The following PREPL variants were observed in gnomAD, a reference collection of about 807,000 sequenced individuals.
PREPL encodes the protein prolyl endopeptidase like, also known as prolyl endopeptidase-like.
A neutral mutation model predicts 70.6 loss-of-function variants in PREPL; 77 were observed. That is an observed-to-expected ratio of 1.09 (90% CI 0.91 to 1.32). The LOEUF is 1.32. PREPL is among the 40% of genes most tolerant of loss of function. The probability of loss-of-function intolerance (pLI) is 0.00; values close to 1 mark genes in which losing one functional copy is unlikely to be tolerated. For missense variants in PREPL, 1,002 were observed against 778.2 expected (o/e 1.29, Z -3.42); for synonymous variants, 315 against 264.8 (o/e 1.19, Z -1.84).
In PREPL at chr2:44,341,628, T is replaced by C. The variant is rs551638690; in HGVS notation, c.485+789A>G. The stretch of plus-strand genomic sequence containing the variant: ...AATGTGTCTAAGAGAATATACGAAA[T>C]ATAAAGAACTAGACATTAATCTTTT... On this transcript the variant is annotated intron_variant, in intron 5 of 13. Transcript: ENST00000409411. Among the ~76,000 whole-genome samples the C allele has an allele frequency of 7.2e-5, 11 of 152,054 alleles. No individual in the cohort carries two copies. The South Asian group carries it at 2.3e-3, about 31-fold the overall frequency.
chr2:44,359,811 T>G, intron 1 of PREPL: 3 of 836,934 alleles, frequency 3.6e-6, no homozygotes, highest in Non-Finnish European at 5.8e-6. Context: ...TCAGAGTAAC[T>G]AAGATCAGCA....
chr2:44,355,106 G>C (rs1254819387), intron 1 of PREPL, among the ~76,000 whole-genome samples: 1 of 152,164 alleles, frequency 6.6e-6, no homozygotes, highest in East Asian at 1.9e-4. Context: ...CTTTGTGTCA[G>C]TTTAGGTCAG....
At position 44,346,470 on chromosome 2, in the gene PREPL, T is replaced by C. The variant is rs1250869634; in HGVS notation, c.-48-80A>G. 24 of 1,272,642 alleles carry C rather than the reference T, an allele frequency of 1.9e-5. No individual in the cohort carries two copies. The Middle Eastern group carries it at 2.2e-3, about 119-fold the overall frequency. 78.8% of individuals were successfully genotyped at this position (1,272,642 alleles called of 1,614,324 possible). A position where few individuals can be genotyped will look rare whatever the true frequency, so the allele number is the denominator to read the frequency against. On this transcript the variant is annotated intron_variant, in intron 1 of 13. Transcript: ENST00000409411. ...TGCTTTTTAAAGATAAGTAGGTCTATACCGTAGACTTAACGTTGTACAAAA... is the reference window on the plus strand; with the variant it reads ...TGCTTTTTAAAGATAAGTAGGTCTACACCGTAGACTTAACGTTGTACAAAA...
chr2:44,323,497 T>A, intron 10 of PREPL, 86 bp from the exon 11 acceptor site: 1 of 1,075,002 alleles, frequency 9.3e-7, no homozygotes, highest in Non-Finnish European at 1.3e-6. Context: ...TGAATATACA[T>A]ACTAATATGA....
At chr2:44,346,816 G>A (rs1675879157) in intron 1 of PREPL, among the ~76,000 whole-genome samples, 1 of 152,022 alleles carries the variant, frequency 6.6e-6, no homozygotes, top group South Asian at 2.1e-4. Flanking sequence ...CTTCCTAAAA[G>A]AAGGGAAATA....
chr2:44,331,083 C>CAA (rs1407538655), intron 8 of PREPL, among the ~76,000 whole-genome samples: 1 of 152,160 alleles, frequency 6.6e-6, no homozygotes, highest in Non-Finnish European at 1.5e-5. Flanking sequence ...GCAGGGACTA[C>CAA]AAGCATATGC....
Position 44,344,554 on chromosome 2 carries a change from T to A in PREPL, c.108A>T (p.Glu36Asp). The A allele has an allele frequency of 6.2e-7, 1 of 1,604,534 alleles. No individual in the cohort carries two copies. The highest frequency in any genetic ancestry group is 8.5e-7 in the Non-Finnish European group (1 of 1,175,878). Residue 36 changes from glutamate (E) to aspartate (D), a missense_variant, in exon 3 of 14, where the codon GAA becomes GAT. By Grantham distance (45) the Glu-to-Asp change is conservative. Transcript: ENST00000409411. ...CTTTGGAACGAACCAAGCAACAACCTTCTTGGTAATAAACAAAACCACCAT... is the reference window on the plus strand; with the variant it reads ...CTTTGGAACGAACCAAGCAACAACCATCTTGGTAATAAACAAAACCACCAT... ...VKHGGFVYYQ[E>D]GCCLVRSKDE...
rs563571799 is a variant in PREPL, at chr2:44,361,462, G to A, written c.-131C>T. On this transcript the variant is annotated 5_prime_UTR_variant, in exon 1 of 14. Coordinates refer to ENST00000409411, the MANE Select transcript of PREPL (RefSeq NM_001171613.2). ...ACCTGAAGCTCTCAGAGGGGAGCAG[G>A]TGTCACCGCAGGCAAGTCCAGCCGA... 2.6e-5 allele frequency: 4 copies of A among 152,908 alleles called. No individual in the cohort carries two copies. Among genetic ancestry groups the A allele is most frequent in the African/African-American group, 7.2e-5 (3 of 41,598 alleles). 9.5% of individuals were successfully genotyped at this position (152,908 alleles called of 1,614,324 possible).
chr2:44,337,766 C>G (rs749933827), intron 7 of PREPL, among the ~76,000 whole-genome samples: 2 of 152,200 alleles, frequency 1.3e-5, no homozygotes, highest in African/African-American at 4.8e-5. Flanking sequence ...TAGCCACAAG[C>G]AGTATCAACT....
intron 10 of PREPL, among the ~76,000 whole-genome samples, chr2:44,326,094 C>A (rs1297032060): frequency 2.0e-5 from 3 of 152,184 alleles, no homozygotes; most frequent in Non-Finnish European, 4.4e-5. Context: ...AGAGTCACAG[C>A]GTGCTTTGCC....
At chr2:44,334,280 T>C (rs976062723) in intron 7 of PREPL, among the ~76,000 whole-genome samples, 1 of 152,096 alleles carries the variant, frequency 6.6e-6, no homozygotes, top group Middle Eastern at 3.2e-3. Context: ...ACAGGTTCAG[T>C]TTTAGCACTC....
chr2:44,335,946 G>GA (rs1465201487), intron 7 of PREPL, among the ~76,000 whole-genome samples: 1 of 151,866 alleles, frequency 6.6e-6, no homozygotes, highest in Non-Finnish European at 1.5e-5. Flanking sequence ...ACAAGCATAT[G>GA]AAAAAAATGC....
chr2:44,321,649 A>G (rs561499225), intron 13 of PREPL, 178 bp downstream of exon 13: 3 of 1,516,696 alleles, frequency 2.0e-6, no homozygotes, highest in East Asian at 2.4e-5. Flanking sequence ...TATCAAGTAC[A>G]AGAGAGAGAC....
Position 44,357,829 on chromosome 2 carries a change from T to C in PREPL, c.-49+3551A>G, listed in dbSNP as rs193185679. 1.4e-3 allele frequency among the ~76,000 whole-genome samples: 206 copies of C among 152,332 alleles called. 1 individual carries two copies. The highest frequency in any genetic ancestry group is 4.8e-3 in the African/African-American group (198 of 41,576). ...AGTTCAATAGGTGAAATTAAAAATT[T>C]TATCTTTCTGAAGTAGGAAAGATGT... On this transcript the variant is annotated intron_variant, in intron 1 of 13. Transcript: ENST00000409411.
At chr2:44,344,204 T>C (rs1675531916) in intron 3 of PREPL, among the ~76,000 whole-genome samples, 2 of 152,220 alleles carry the variant, frequency 1.3e-5, no homozygotes, top group South Asian at 2.1e-4. Flanking sequence ...TAGTTTAGTA[T>C]TTACAGACCA....
chr2:44,331,086 G>A (rs753553989), intron 8 of PREPL, among the ~76,000 whole-genome samples: 11 of 152,124 alleles, frequency 7.2e-5, no homozygotes, highest in Non-Finnish European at 1.6e-4. Flanking sequence ...GGGACTACAA[G>A]CATATGCCAC....
rs13402626 is a variant in PREPL, at chr2:44,326,746, G to C, written c.1445C>G (p.Ser482Cys). The C allele has an allele frequency of 1.2e-6, 2 of 1,614,110 alleles. No individual in the cohort carries two copies. The highest frequency in any genetic ancestry group is 1.7e-5 in the Admixed American group (1 of 60,018). The part of the protein sequence containing the change: ...GGVLAGALCN[S>C]NPELVRAVTL... ...CACCGCTCTCACCAGCTCTGGATTAGAATTACACAATGCTCCTGCAAGCAC... is the reference window on the plus strand; with the variant it reads ...CACCGCTCTCACCAGCTCTGGATTACAATTACACAATGCTCCTGCAAGCAC... Residue 482 changes from serine (S) to cysteine (C), a missense_variant, in exon 10 of 14, where the codon TCT (serine) becomes TGT (cysteine). Transcript: ENST00000409411.
intron 7 of PREPL, among the ~76,000 whole-genome samples, chr2:44,333,811 A>G (rs566111117): frequency 1.2e-4 from 18 of 152,324 alleles, no homozygotes; most frequent in African/African-American, 3.4e-4. Context: ...CATAGTTATA[A>G]GCAAGCAAAC....
chr2:44,341,301 A>G (rs1032370965), intron 5 of PREPL, among the ~76,000 whole-genome samples: 1 of 152,046 alleles, frequency 6.6e-6, no homozygotes, highest in Non-Finnish European at 1.5e-5. Flanking sequence ...TTAGTTTGTG[A>G]TGCCTTTTAT....
Sources: gnomAD v4.1 joint callset for allele counts (sites outside exome capture counted in the v4.1 genomes callset) on GRCh38, gnomAD v4.1.1 for gene constraint, MANE v1.5 for transcripts, NCBI Gene and HGNC (gene_info 2026-07-23, HGNC 2026-07-21) for gene names.